The following IQANK1 variants were observed in gnomAD, a reference collection of about 807,000 sequenced individuals.
The protein encoded by IQANK1 is IQ motif and ankyrin repeat domain-containing protein 1.
IQANK1 carries 30 observed loss-of-function variants against 22.6 expected under a neutral mutation model. The observed-to-expected ratio is 1.33, with a 90% confidence interval of 0.99 to 1.80. The LOEUF (loss-of-function observed/expected upper bound fraction) is 1.80. Ranked by LOEUF, IQANK1 falls within the 40% of genes most tolerant of loss-of-function variation. The pLI, the probability that IQANK1 is intolerant of heterozygous loss-of-function variation, is 0.00. For synonymous variants in IQANK1, 122 were observed against 99.6 expected, an observed-to-expected ratio of 1.23 and a Z score of -1.34; for missense variants, 275 against 235.2, an observed-to-expected ratio of 1.17 and a Z score of -1.11.
intron 3 of IQANK1, among the ~76,000 whole-genome samples, chr8:143,748,999 CAT>C (rs1305269725): frequency 5.6e-5 from 4 of 71,210 alleles, no homozygotes; most frequent in Non-Finnish European, 9.8e-5. Flanking sequence ...AAATATATAT[CAT>C]AAATATATAT....
intron 3 of IQANK1, among the ~76,000 whole-genome samples, chr8:143,764,733 T>C (rs1329480561): frequency 6.6e-6 from 1 of 152,210 alleles, no homozygotes; most frequent in Non-Finnish European, 1.5e-5. Context: ...CAGAAAGAGA[T>C]GGAGAGAGAG....
At chr8:143,761,946 T>C (rs1373586740) in intron 3 of IQANK1, among the ~76,000 whole-genome samples, 4 of 152,110 alleles carry the variant, frequency 2.6e-5, no homozygotes, top group African/African-American at 9.7e-5. Context: ...GGGATAGATA[T>C]TGTATTTCAA....
intron 3 of IQANK1, among the ~76,000 whole-genome samples, chr8:143,748,758 AAT>A (rs545217219): frequency 3.6e-5 from 4 of 110,972 alleles, no homozygotes; most frequent in Admixed American, 1.2e-4. Flanking sequence ...ATATCATATA[AAT>A]ATATATAATA....
chr8:143,761,286 T>G (rs1819392104), intron 3 of IQANK1, among the ~76,000 whole-genome samples: 1 of 152,126 alleles, frequency 6.6e-6, no homozygotes, highest in Non-Finnish European at 1.5e-5. Flanking sequence ...CCGTCTCCCC[T>G]GGGAGTCCCG....
intron 3 of IQANK1, among the ~76,000 whole-genome samples, chr8:143,763,513 G>C (rs1256676337): frequency 6.6e-6 from 1 of 152,142 alleles, no homozygotes; most frequent in Non-Finnish European, 1.5e-5. Flanking sequence ...ATGGGGGCGG[G>C]TCTCTCATGA....
Position 143,768,748 on chromosome 8 carries a change from C to T in IQANK1, c.176-2740C>T, listed in dbSNP as rs552230730. 9.6e-3 allele frequency among the ~76,000 whole-genome samples: 1,462 copies of T among 152,230 alleles called. 25 individuals carry two copies. Among genetic ancestry groups the T allele is most frequent in the African/African-American group, 0.033 (1,372 of 41,510 alleles). On this transcript the variant is annotated intron_variant, in intron 3 of 13. Transcript: ENST00000527139. ...CTAAATATATTAAATTTTTCTGTTG[C>T]TGCTTGTGTACAGAAATACACTTTG...
chr8:143,737,684 C>T (rs1196893190), intron 2 of IQANK1, among the ~76,000 whole-genome samples: 6 of 152,210 alleles, frequency 3.9e-5, no homozygotes, highest in African/African-American at 7.2e-5. Context: ...GCCCTCACTC[C>T]GGAGCTGCTC....
At chr8:143,759,365 C>T (rs192085975) in intron 3 of IQANK1, 77 of 156,126 alleles carry the variant, frequency 4.9e-4, no homozygotes, top group African/African-American at 1.7e-3. Flanking sequence ...GCACTTTGCA[C>T]GGGCTGGGCT....
At chr8:143,788,865 G>A (rs1158293150) in intron 7 of IQANK1, 50 bp from the exon 8 acceptor site, 2 of 398,884 alleles carry the variant, frequency 5.0e-6, no homozygotes, top group African/African-American at 4.1e-5. Context: ...TCCAGGCTGA[G>A]GAGACTCGGA....
chr8:143,772,037 C>T lies in IQANK1; in HGVS notation c.472-15C>T. ...TGGGAGGAGCGGGGAGCGGTGACCGCGGCGAGCTGCGCAGGTGGAGCAGCT... is the reference window on the plus strand; with the variant it reads ...TGGGAGGAGCGGGGAGCGGTGACCGTGGCGAGCTGCGCAGGTGGAGCAGCT... On this transcript the variant is annotated splice_polypyrimidine_tract_variant and intron_variant, in intron 5 of 13. Transcript: ENST00000527139. 2.5e-6 allele frequency: 1 copy of T among 395,882 alleles called. No individual in the cohort carries two copies. The highest frequency in any genetic ancestry group is 4.5e-6 in the Non-Finnish European group (1 of 224,488). 24.5% of individuals were successfully genotyped at this position (395,882 alleles called of 1,614,324 possible). A position where few individuals can be genotyped will look rare whatever the true frequency, so the allele number is the denominator to read the frequency against.
At chr8:143,756,530 A>G (rs1554628483) in intron 3 of IQANK1, among the ~76,000 whole-genome samples, 1 of 152,088 alleles carries the variant, frequency 6.6e-6, no homozygotes, top group African/African-American at 2.4e-5. Context: ...TCGGTGTACC[A>G]TGAATTGCTG....
intron 3 of IQANK1, among the ~76,000 whole-genome samples, chr8:143,764,472 G>C (rs1819450875): frequency 6.9e-6 from 1 of 143,910 alleles, no homozygotes; most frequent in Non-Finnish European, 1.5e-5. Flanking sequence ...AAAAAAATTA[G>C]TGCCTGTAGT....
In IQANK1 at chr8:143,771,678, G is replaced by A. The variant is rs938051479; in HGVS notation, c.306+60G>A. ...GCAGGAGGCAGGGGGAGGAAATGGC[G>A]AAGCAGGGTGCGTGGTGGGGGTGAG... On this transcript the variant is annotated intron_variant, in intron 4 of 13. Transcript: ENST00000527139. The surrounding 1 kb of genome is among the most constrained non-coding windows in gnomAD (Gnocchi z 6.0). The A allele has an allele frequency of 1.8e-5, 7 of 398,824 alleles. 1 individual carries two copies. The South Asian group carries it at 6.4e-4, about 36-fold the overall frequency. The allele number at this position is 398,824 out of a possible 1,614,324, so 24.7% of individuals were successfully genotyped here. A position where few individuals can be genotyped will look rare whatever the true frequency, so the allele number is the denominator to read the frequency against.
intron 7 of IQANK1, among the ~76,000 whole-genome samples, chr8:143,782,980 G>A (rs1198593295): frequency 2.0e-5 from 3 of 152,170 alleles, no homozygotes; most frequent in Non-Finnish European, 4.4e-5. Flanking sequence ...CTATATTCGT[G>A]AGATTCAGTC....
Position 143,749,115 on chromosome 8 carries a change from C to T in IQANK1, c.175+9167C>T, listed in dbSNP as rs531842054. Among the ~76,000 whole-genome samples, 347 of 118,864 alleles carry T rather than the reference C, an allele frequency of 2.9e-3. 11 individuals carry two copies. The South Asian group carries it at 0.044, about 15-fold the overall frequency. The allele number at this position is 118,864 out of a possible 152,430, so 78.0% of individuals were successfully genotyped here. A position where few individuals can be genotyped will look rare whatever the true frequency, so the allele number is the denominator to read the frequency against. On this transcript the variant is annotated intron_variant, in intron 3 of 13. Transcript: ENST00000527139. ...AAATATATAGCATATATGATATAAA[C>T]GTATATATAGCATATATGATATATA... is the stretch of plus-strand genomic sequence containing the variant.
chr8:143,748,748 A>G (rs1156686463), intron 3 of IQANK1, among the ~76,000 whole-genome samples: 5 of 108,414 alleles, frequency 4.6e-5, no homozygotes, highest in African/African-American at 8.0e-5. Flanking sequence ...ATATAAATAT[A>G]TATCATATAA....
rs1399885841 is a variant in IQANK1, at chr8:143,790,179, C to T, written c.1332C>T (p.Phe444=). 1.6e-6 allele frequency: 2 copies of T among 1,231,986 alleles called. No individual in the cohort carries two copies. The highest frequency in any genetic ancestry group is 1.6e-5 in the African/African-American group (1 of 64,432). 76.3% of individuals were successfully genotyped at this position (1,231,986 alleles called of 1,614,324 possible). ...VIDPLGQAAT[F]LRYQDTNYVD... ...ACCCTTTGGGCCAGGCGGCCACCTT[C>T]CTGCGCTACCAGGATACCAACTATG... is the stretch of plus-strand genomic sequence containing the variant. Residue 444 remains phenylalanine (F), a synonymous_variant, in exon 13 of 14, where the codon TTC becomes TTT. Coordinates refer to ENST00000527139, the MANE Select transcript of IQANK1 (RefSeq NM_001381874.1).
rs1402922902 is a variant in IQANK1, at chr8:143,789,199, A to G, written c.949A>G (p.Lys317Glu). The G allele has an allele frequency of 7.5e-6, 3 of 399,392 alleles. No individual in the cohort carries two copies. Among genetic ancestry groups the G allele is most frequent in the African/African-American group, 6.2e-5 (3 of 48,594 alleles). The allele number at this position is 399,392 out of a possible 1,614,324, so 24.7% of individuals were successfully genotyped here. The change falls in exon 9 of 14, where the codon AAG becomes GAG. Residue 317 changes from lysine to glutamate, a missense_variant. By Grantham distance (56) the Lys-to-Glu change is moderately conservative. Coordinates refer to ENST00000527139, the MANE Select transcript of IQANK1 (RefSeq NM_001381874.1). ...ATTCCTGCTCCTTAGTATGACCCTC[A>G]AGGTCCAACAGCTGACCAGGGAGCA... ...EAERCGSMTL[K>E]VQQLTREQQQ... is the part of the protein sequence containing the mutation.
chr8:143,773,007 G>C (rs1187697260), intron 7 of IQANK1, among the ~76,000 whole-genome samples: 1 of 152,194 alleles, frequency 6.6e-6, no homozygotes, highest in African/African-American at 2.4e-5. Context: ...ATGTTAGAAA[G>C]GACAGTCTGG....
Sources: gnomAD v4.1 joint callset for allele counts (sites outside exome capture counted in the v4.1 genomes callset) on GRCh38, gnomAD v4.1.1 for gene constraint, Gnocchi (gnomAD v3.1) non-coding constraint, MANE v1.5 for transcripts, NCBI Gene and HGNC (gene_info 2026-07-23, HGNC 2026-07-21) for gene names.